The following NPS variants were observed in gnomAD, a reference collection of about 807,000 sequenced individuals.
NPS encodes prepro-neuropeptide S.
In NPS, 6 loss-of-function variants were observed where a neutral mutation model predicts 7.2. The observed-to-expected ratio is 0.83, with a 90% CI of 0.46 to 1.64. The LOEUF (loss-of-function observed/expected upper bound fraction) is 1.64, where lower values mean the gene tolerates loss of function less well. NPS is among the 40% of genes most tolerant of loss of function. The probability of loss-of-function intolerance (pLI) is 0.01; values close to 1 mark genes in which losing one functional copy is unlikely to be tolerated. For missense variants in NPS, 123 were observed against 97.8 expected (o/e 1.26, Z -1.09); for synonymous variants, 42 against 36.7 (o/e 1.14, Z -0.52).
chr10:127,552,355 A>T (rs1844865635), intron 2 of NPS, 105 bp from the exon 3 acceptor site: 5 of 677,656 alleles, frequency 7.4e-6, no homozygotes, highest in Admixed American at 5.0e-5. Flanking sequence ...AAGATGATTG[A>T]TATATTGGAT....
At chr10:127,550,077 C>T (rs1844844142) in intron 2 of NPS, among the ~76,000 whole-genome samples, 1 of 152,074 alleles carries the variant, frequency 6.6e-6, no homozygotes, top group Non-Finnish European at 1.5e-5. Flanking sequence ...TCAAGACATT[C>T]AGAAAATAAA....
intron 2 of NPS, among the ~76,000 whole-genome samples, chr10:127,552,048 T>C (rs1002387325): frequency 1.3e-5 from 2 of 152,212 alleles, no homozygotes; most frequent in Non-Finnish European, 2.9e-5. Context: ...ACTTGGCAAA[T>C]GGCCCAGGAC....
chr10:127,550,781 T>C (rs2134876833), intron 2 of NPS, among the ~76,000 whole-genome samples: 1 of 152,354 alleles, frequency 6.6e-6, no homozygotes, highest in Admixed American at 6.5e-5. Context: ...ATGCTATTCA[T>C]GCCAATTTGA....
In NPS at chr10:127,549,582, C is replaced by T. The variant is rs1844838934; in HGVS notation, c.90+12C>T. ...TTCCATCTTCTAAGGTAAGGATTTG[C>T]CTCCGTTGTGGATATTTAAATAGAT... is the stretch of plus-strand genomic sequence containing the variant. On this transcript the variant is annotated intron_variant, in intron 2 of 2. Coordinates refer to ENST00000398023, the MANE Select transcript of NPS (RefSeq NM_001030013.2). The T allele has an allele frequency of 2.0e-6, 3 of 1,503,590 alleles. No homozygotes were observed. Among genetic ancestry groups the T allele is most frequent in the East Asian group, 4.5e-5 (2 of 44,304 alleles). 93.1% of individuals were successfully genotyped at this position (1,503,590 alleles called of 1,614,324 possible).
In NPS at chr10:127,549,588, T is replaced by C. The variant is rs1159612317; in HGVS notation, c.90+18T>C. ...CTTCTAAGGTAAGGATTTGCCTCCG[T>C]TGTGGATATTTAAATAGATGACTAG... On this transcript the variant is annotated intron_variant, in intron 2 of 2. Transcript: ENST00000398023. 4 of 1,391,092 alleles carry C rather than the reference T, an allele frequency of 2.9e-6. No individual in the cohort carries two copies. Among genetic ancestry groups the C allele is most frequent in the Non-Finnish European group, 4.1e-6 (4 of 977,606 alleles). The allele number at this position is 1,391,092 out of a possible 1,614,324, so 86.2% of individuals were successfully genotyped here.
intron 2 of NPS, among the ~76,000 whole-genome samples, chr10:127,551,272 T>C (rs954132788): frequency 6.6e-6 from 1 of 152,004 alleles, no homozygotes; most frequent in African/African-American, 2.4e-5. Flanking sequence ...GCCCATTTTT[T>C]TTCCCCAGAG....
In NPS at chr10:127,553,156, A is replaced by G. The variant is rs889349978; in HGVS notation, c.*517A>G. 6.6e-6 allele frequency among the ~76,000 whole-genome samples: 1 copy of G among 152,178 alleles called. No homozygotes were observed. The highest frequency in any genetic ancestry group is 2.4e-5 in the African/African-American group (1 of 41,442). On this transcript the variant is annotated 3_prime_UTR_variant, in exon 3 of 3. Transcript: ENST00000398023. ...GTACAGCTGTATCAATTGATTAATT[A>G]ATTGATACCAAGAACAAACATCCCT...
intron 2 of NPS, among the ~76,000 whole-genome samples, chr10:127,552,149 G>A (rs909975536): frequency 1.2e-4 from 18 of 152,112 alleles, no homozygotes; most frequent in Admixed American, 7.2e-4. Flanking sequence ...CAATTCCCAG[G>A]GCTAATTAGT....
Position 127,553,395 on chromosome 10 carries a change from TA to T in NPS, c.*758del, listed in dbSNP as rs1844876701. 1.3e-5 allele frequency among the ~76,000 whole-genome samples: 2 copies of T among 152,330 alleles called. No individual in the cohort carries two copies. Among genetic ancestry groups the T allele is most frequent in the South Asian group, 4.1e-4 (2 of 4,822 alleles). On this transcript the variant is annotated 3_prime_UTR_variant, in exon 3 of 3. Transcript: ENST00000398023. ...AACCTGTTCCCCAAACTATGCTGAT[TA>T]ATGCCCTCTCCTTTCCCCCATCCTT...
intron 2 of NPS, among the ~76,000 whole-genome samples, chr10:127,550,817 G>A (rs1162621205): frequency 6.6e-6 from 1 of 152,180 alleles, no homozygotes; most frequent in African/African-American, 2.4e-5. Flanking sequence ...GATTATGCAG[G>A]CAGACGACAC....
intron 2 of NPS, 37 bp downstream of exon 2, chr10:127,549,607 T>A (rs1844839386): frequency 8.9e-7 from 1 of 1,117,780 alleles, no homozygotes; most frequent in South Asian, 1.3e-5. Flanking sequence ...TTTAAATAGA[T>A]GACTAGAATG....
At position 127,552,685 on chromosome 10, in the gene NPS, G is replaced by A. The variant is rs779067643; in HGVS notation, c.*46G>A. On this transcript the variant is annotated 3_prime_UTR_variant, in exon 3 of 3. Coordinates refer to ENST00000398023, the MANE Select transcript of NPS (RefSeq NM_001030013.2). The stretch of plus-strand genomic sequence containing the variant: ...GGGAATTAATCTAACTGTAGAGTGT[G>A]ACTGACGTACTCAAAGTCCATCGTC... The A allele has an allele frequency of 3.1e-6, 4 of 1,279,342 alleles. No individual in the cohort carries two copies. The highest frequency in any genetic ancestry group is 4.5e-6 in the Non-Finnish European group (4 of 884,944). The allele number at this position is 1,279,342 out of a possible 1,614,324, so 79.2% of individuals were successfully genotyped here.
intron 2 of NPS, 123 bp from the exon 3 acceptor site, chr10:127,552,337 C>T (rs998138277): frequency 9.2e-6 from 6 of 650,998 alleles, no homozygotes; most frequent in Non-Finnish European, 1.6e-5. Flanking sequence ...AGCAAAACTT[C>T]TGCCTTTAAG....
chr10:127,550,047 T>C (rs536536840), intron 2 of NPS, among the ~76,000 whole-genome samples: 6 of 152,280 alleles, frequency 3.9e-5, no homozygotes, highest in Non-Finnish European at 8.8e-5. Flanking sequence ...TTGATTGAAC[T>C]CCTACGTTCA....
Position 127,552,730 on chromosome 10 carries a change from G to C in NPS, c.*91G>C. Reference sequence around the variant, plus strand: ...ATCGTCTCTTTATCATTGAGTGTTGGCATGCTCTCTATTCTCAAATATCTT... The same window carrying C: ...ATCGTCTCTTTATCATTGAGTGTTGCCATGCTCTCTATTCTCAAATATCTT... On this transcript the variant is annotated 3_prime_UTR_variant, in exon 3 of 3. Coordinates refer to ENST00000398023, the MANE Select transcript of NPS (RefSeq NM_001030013.2). 1.2e-6 allele frequency: 1 copy of C among 813,964 alleles called. No individual in the cohort carries two copies. The highest frequency in any genetic ancestry group is 2.0e-6 in the Non-Finnish European group (1 of 490,464). The allele number at this position is 813,964 out of a possible 1,614,324, so 50.4% of individuals were successfully genotyped here. A position where few individuals can be genotyped will look rare whatever the true frequency, so the allele number is the denominator to read the frequency against.
At chr10:127,549,646 A>C in intron 2 of NPS, 76 bp downstream of exon 2, 1 of 910,188 alleles carries the variant, frequency 1.1e-6, no homozygotes, top group East Asian at 2.4e-5. Flanking sequence ...AAATACTTTC[A>C]AGGAATATGT....
intron 2 of NPS, among the ~76,000 whole-genome samples, chr10:127,551,391 C>G (rs1320476800): frequency 1.3e-5 from 2 of 152,030 alleles, no homozygotes; most frequent in African/African-American, 4.8e-5. Context: ...GTTTCGACTT[C>G]CATACAGTAA....
chr10:127,550,049 C>T (rs1844843748), intron 2 of NPS, among the ~76,000 whole-genome samples: 1 of 152,070 alleles, frequency 6.6e-6, no homozygotes, highest in Non-Finnish European at 1.5e-5. Context: ...GATTGAACTC[C>T]TACGTTCATT....
chr10:127,549,834 A>AT (rs1337615239), intron 2 of NPS, among the ~76,000 whole-genome samples: 1 of 152,136 alleles, frequency 6.6e-6, no homozygotes, highest in Non-Finnish European at 1.5e-5. Flanking sequence ...ATCTAAAGTA[A>AT]TTTTTTTGCC....
Sources: allele counts gnomAD v4.1 joint callset (sites outside exome capture counted in the v4.1 genomes callset), GRCh38; gene constraint gnomAD v4.1.1; transcripts MANE v1.5; gene names NCBI Gene and HGNC (gene_info 2026-07-23, HGNC 2026-07-21).